The following HLA-DOB variants were observed in gnomAD, a reference collection of about 807,000 sequenced individuals.
The protein encoded by HLA-DOB is HLA class II histocompatibility antigen, DO beta chain.
A neutral mutation model predicts 27.7 loss-of-function variants in HLA-DOB; 25 were observed. The ratio of observed to expected loss-of-function variants is 0.90; its 90% CI spans 0.66 to 1.26. The LOEUF (loss-of-function observed/expected upper bound fraction) is 1.26, where lower values mean the gene tolerates loss of function less well. Ranked by LOEUF, HLA-DOB falls within the 50% of genes most tolerant of loss-of-function variation. The pLI, the probability that HLA-DOB is intolerant of heterozygous loss-of-function variation, is 0.00. For missense variants in HLA-DOB, 306 were observed against 324.9 expected (o/e 0.94, Z 0.45); for synonymous variants, 137 against 125.6 (o/e 1.09, Z -0.61).
chr6:32,814,608 A>G lies in HLA-DOB; in HGVS notation c.362-7T>C, dbSNP rs1248880536. On this transcript the variant is annotated splice_polypyrimidine_tract_variant and splice_region_variant and intron_variant, in intron 2 of 5. Coordinates refer to ENST00000438763, the MANE Select transcript of HLA-DOB (RefSeq NM_002120.4). ...ACTGTCACCTCTGGTTGCACTAGGA[A>G]GGGAGGAAAAATGAGACACCGTGAA... 1 of 1,608,128 alleles carries G rather than the reference A, an allele frequency of 6.2e-7. No homozygotes were observed. The highest frequency in any genetic ancestry group is 1.7e-5 in the Admixed American group (1 of 59,696).
At chr6:32,814,294 A>C in intron 3 of HLA-DOB, 26 bp downstream of exon 3, 1 of 1,608,926 alleles carries the variant, frequency 6.2e-7, no homozygotes, top group Non-Finnish European at 8.5e-7. Context: ...AGTCAGGCCC[A>C]GAGAGTACTA....
chr6:32,814,532 G>C lies in HLA-DOB; in HGVS notation c.431C>G (p.Ser144Cys). Residue 144 changes from serine to cysteine, a missense_variant, in exon 3 of 6, where the codon TCT (serine) becomes TGT (cysteine). Ser to Cys is a moderately radical substitution (Grantham distance 112). Transcript: ENST00000438763. ...ATCCCCTGGATAGAAGCCTGTCACA[G>C]AGCAGTGCAGCAGATTATGCTGGTG... is the stretch of plus-strand genomic sequence containing the variant. The part of the protein sequence containing the change: ...LLHQHNLLHC[S>C]VTGFYPGDIK... The C allele has an allele frequency of 6.2e-7, 1 of 1,612,992 alleles. No individual in the cohort carries two copies. The highest frequency in any genetic ancestry group is 8.5e-7 in the Non-Finnish European group (1 of 1,179,956).
chr6:32,816,768 C>G, intron 1 of HLA-DOB, 93 bp downstream of exon 1: 1 of 990,888 alleles, frequency 1.0e-6, no homozygotes, highest in Non-Finnish European at 1.5e-6. Flanking sequence ...CACTTCCAGT[C>G]TGGTCTGTGG....
At chr6:32,815,757 AG>A (rs1389700400) in intron 1 of HLA-DOB, among the ~76,000 whole-genome samples, 2 of 152,240 alleles carry the variant, frequency 1.3e-5, no homozygotes, top group Non-Finnish European at 2.9e-5. Flanking sequence ...TTAATAATGT[AG>A]GTAAGTCAGG....
intron 3 of HLA-DOB, chr6:32,814,113 T>A: frequency 1.6e-6 from 1 of 610,050 alleles, no homozygotes; most frequent in Non-Finnish European, 2.9e-6. Context: ...TGATTAGATC[T>A]CCTCATTTCT....
chr6:32,816,525 T>C (rs1481728588), intron 1 of HLA-DOB, among the ~76,000 whole-genome samples: 1 of 152,216 alleles, frequency 6.6e-6, no homozygotes, highest in Non-Finnish European at 1.5e-5. Context: ...CCCAGCCTAC[T>C]GCAGGTTGTT....
At chr6:32,816,835 G>GA (rs1408452216) in intron 1 of HLA-DOB, 26 bp downstream of exon 1, 5 of 1,591,906 alleles carry the variant, frequency 3.1e-6, no homozygotes, top group Non-Finnish European at 3.4e-6. Flanking sequence ...ATACACACTG[G>GA]AAAAAAACAA....
rs1178829691 is a variant in HLA-DOB at position 32,813,185 on chromosome 6, G to C, written c.*31C>G. ...GCCCAGACTACTCATCACTACTTCA[G>C]GCTCCAGAGAGAGAAGCTTCAGTGA... is the stretch of plus-strand genomic sequence containing the variant. On this transcript the variant is annotated 3_prime_UTR_variant, in exon 6 of 6. Coordinates refer to ENST00000438763, the MANE Select transcript of HLA-DOB (RefSeq NM_002120.4). 3 of 1,608,116 alleles carry C rather than the reference G, an allele frequency of 1.9e-6. No homozygotes were observed. The highest frequency in any genetic ancestry group is 2.6e-6 in the Non-Finnish European group (3 of 1,175,628).
chr6:32,815,099 A>T lies in HLA-DOB; in HGVS notation c.306T>A (p.Asp102Glu). The T allele has an allele frequency of 1.9e-6, 3 of 1,614,162 alleles. No homozygotes were observed. Among genetic ancestry groups the T allele is most frequent in the Non-Finnish European group, 1.7e-6 (2 of 1,180,016 alleles). Residue 102 changes from aspartate to glutamate, a missense_variant, in exon 2 of 6, where the codon GAT becomes GAA. Transcript: ENST00000438763. The stretch of plus-strand genomic sequence containing the variant: ...GCCTGTAGTTGTGTCTACAGACCCC[A>T]TCCACGGCCTGTCTGCTCCTCTCCA... Reference protein sequence around the residue: ...DLLERSRQAVDGVCRHNYRLG... With the variant: ...DLLERSRQAVEGVCRHNYRLG...
rs17213693 is a variant in HLA-DOB at position 32,813,344 on chromosome 6, G to C, written c.787-93C>G. ...AGGGGACAGTCCCATCCAGACAGCA[G>C]CAACCTTACTCCTCCCTACCCCCAT... On this transcript the variant is annotated intron_variant, in intron 5 of 5. Transcript: ENST00000438763. 123,210 of 1,584,652 alleles carry C rather than the reference G, an allele frequency of 0.078. 5,283 individuals carry two copies. The highest frequency in any genetic ancestry group is 0.15 in the African/African-American group (10,907 of 74,248).
chr6:32,813,565 C>G, intron 4 of HLA-DOB, 94 bp from the exon 5 acceptor site: 1 of 1,396,744 alleles, frequency 7.2e-7, no homozygotes, highest in Non-Finnish European at 1.0e-6. Context: ...GGTCAGCACT[C>G]TCTCTGCTTA....
rs1767871247 is a variant in HLA-DOB at position 32,813,223 on chromosome 6, G to T, written c.815C>A (p.Ser272Ter). Reference sequence around the variant, plus strand: ...GAAGCTTCAGTGAGGACCTTAGCATGACTGAGGGAGCAGAACAGCTCTTGA... The same window carrying T: ...GAAGCTTCAGTGAGGACCTTAGCATTACTGAGGGAGCAGAACAGCTCTTGA... The part of the protein sequence containing the change: ...EVSRAVLLPQ[S>*]C Residue 272 changes from serine to a stop codon, truncating the protein, a stop_gained, in exon 6 of 6, where the codon TCA (serine) becomes TAA (stop). Transcript: ENST00000438763. LOFTEE classifies it high-confidence loss of function. The T allele has an allele frequency of 6.2e-7, 1 of 1,612,872 alleles. No homozygotes were observed. Among genetic ancestry groups the T allele is most frequent in the Non-Finnish European group, 8.5e-7 (1 of 1,179,930 alleles).
chr6:32,814,591 C>T lies in HLA-DOB; in HGVS notation c.372G>A (p.Glu124=), dbSNP rs1264903689. Residue 124 remains glutamate, a synonymous_variant, in exon 3 of 6, where the codon GAG becomes GAA. Coordinates refer to ENST00000438763, the MANE Select transcript of HLA-DOB (RefSeq NM_002120.4). ...PFTVGRKVQP[E]VTVYPERTPL... is the part of the protein sequence containing the mutation. ...GGGTCCTCTCTGGGTACACTGTCAC[C>T]TCTGGTTGCACTAGGAAGGGAGGAA... 3.1e-6 allele frequency: 5 copies of T among 1,611,504 alleles called. No homozygotes were observed. In the East Asian group the frequency reaches 8.9e-5, roughly 29 times the overall value.
intron 1 of HLA-DOB, 120 bp from the exon 2 acceptor site, chr6:32,815,433 AG>A (rs1767979058): frequency 2.1e-6 from 2 of 939,074 alleles, no homozygotes; most frequent in Non-Finnish European, 3.3e-6. Flanking sequence ...ATGCTCAAAA[AG>A]CACAGTGTCA....
At chr6:32,816,271 T>C (rs1156952486) in intron 1 of HLA-DOB, among the ~76,000 whole-genome samples, 1 of 152,218 alleles carries the variant, frequency 6.6e-6, no homozygotes, top group African/African-American at 2.4e-5. Context: ...GCATATTCTG[T>C]CACCTGTGCT....
At chr6:32,816,734 A>G in intron 1 of HLA-DOB, 127 bp downstream of exon 1, 3 of 705,396 alleles carry the variant, frequency 4.3e-6, no homozygotes, top group Non-Finnish European at 7.2e-6. Context: ...AAAGGGAAGA[A>G]CACTGTTCTT....
In HLA-DOB at chr6:32,816,978, G is replaced by A; in HGVS notation, c.-27C>T. ...CTGGAGAAAGGAAAAAAATGAGATA[G>A]TAAAATCGTCAGCCTCTTCAGAATG... On this transcript the variant is annotated 5_prime_UTR_variant, in exon 1 of 6. Coordinates refer to ENST00000438763, the MANE Select transcript of HLA-DOB (RefSeq NM_002120.4). The A allele has an allele frequency of 6.7e-7, 1 of 1,487,722 alleles. No homozygotes were observed. The highest frequency in any genetic ancestry group is 1.4e-5 in the African/African-American group (1 of 72,280). The allele number at this position is 1,487,722 out of a possible 1,614,324, so 92.2% of individuals were successfully genotyped here.
intron 1 of HLA-DOB, 75 bp from the exon 2 acceptor site, chr6:32,815,388 C>T: frequency 1.3e-6 from 2 of 1,529,968 alleles, no homozygotes; most frequent in South Asian, 2.3e-5. Flanking sequence ...TTACGTCAGA[C>T]CACATGGATC....
chr6:32,813,198 G>C lies in HLA-DOB; in HGVS notation c.*18C>G. 1 of 1,612,058 alleles carries C rather than the reference G, an allele frequency of 6.2e-7. No individual in the cohort carries two copies. Among genetic ancestry groups the C allele is most frequent in the Non-Finnish European group, 8.5e-7 (1 of 1,179,074 alleles). Reference sequence around the variant, plus strand: ...ATCACTACTTCAGGCTCCAGAGAGAGAAGCTTCAGTGAGGACCTTAGCATG... The same window carrying C: ...ATCACTACTTCAGGCTCCAGAGAGACAAGCTTCAGTGAGGACCTTAGCATG... On this transcript the variant is annotated 3_prime_UTR_variant, in exon 6 of 6. Coordinates refer to ENST00000438763, the MANE Select transcript of HLA-DOB (RefSeq NM_002120.4).
Sources: allele counts gnomAD v4.1 joint callset (sites outside exome capture counted in the v4.1 genomes callset), GRCh38; gene constraint gnomAD v4.1.1; transcripts MANE v1.5; gene names NCBI Gene and HGNC (gene_info 2026-07-23, HGNC 2026-07-21).